CSMD1: variants seen among roughly 807,000 people sequenced by gnomAD.
The protein encoded by CSMD1 is CUB and sushi domain-containing protein 1.
Under a neutral mutation model 417.5 loss-of-function variants are expected in CSMD1, and 213 were observed. The observed-to-expected ratio is 0.51, with a 90% CI of 0.46 to 0.57. The LOEUF (loss-of-function observed/expected upper bound fraction) is 0.57, where lower values mean the gene tolerates loss of function less well. Ranked by LOEUF, CSMD1 falls within the 20% of genes least tolerant of loss-of-function variation. The probability of loss-of-function intolerance (pLI) is 0.00; values close to 1 mark genes in which losing one functional copy is unlikely to be tolerated. For synonymous variants in CSMD1, 2,862 were observed against 1,736.8 expected (o/e 1.65, Z -16.11); for missense variants, 6,923 against 4,529.7 (o/e 1.53, Z -15.17).
intron 7 of CSMD1, among the ~76,000 whole-genome samples, chr8:3,631,147 C>G (rs1196075170): frequency 6.6e-6 from 1 of 152,198 alleles, no homozygotes; most frequent in Non-Finnish European, 1.5e-5. Context: ...AAATGGCCCT[C>G]CCTGTGCACC....
chr8:3,548,570 T>C (rs1275690562), intron 10 of CSMD1, among the ~76,000 whole-genome samples: 2 of 151,542 alleles, frequency 1.3e-5, no homozygotes, highest in Non-Finnish European at 2.9e-5. Flanking sequence ...CCTGAGTTAC[T>C]TCACTTAGAA....
intron 2 of CSMD1, among the ~76,000 whole-genome samples, chr8:4,504,041 C>G (rs911188517): frequency 6.6e-6 from 1 of 151,306 alleles, no homozygotes; most frequent in African/African-American, 2.4e-5. Context: ...ATGTTCATTG[C>G]TGTGTAATTC....
chr8:3,592,128 A>G (rs1421419607), intron 8 of CSMD1, among the ~76,000 whole-genome samples: 1 of 152,168 alleles, frequency 6.6e-6, no homozygotes, highest in African/African-American at 2.4e-5. Context: ...AGATGGATAG[A>G]TAGATGAATG....
At chr8:4,232,698 TA>T (rs1226850276) in intron 3 of CSMD1, among the ~76,000 whole-genome samples, 2 of 152,192 alleles carry the variant, frequency 1.3e-5, no homozygotes, top group Non-Finnish European at 2.9e-5. Flanking sequence ...AGACATTTTA[TA>T]AAAGTGTCAT....
intron 68 of CSMD1, among the ~76,000 whole-genome samples, chr8:2,947,988 T>C (rs1267861508): frequency 1.3e-5 from 2 of 151,820 alleles, no homozygotes; most frequent in East Asian, 1.9e-4. Flanking sequence ...AGCACTTTGA[T>C]AAAAGTCTTA....
At chr8:3,932,547 A>T (rs1810223348) in intron 5 of CSMD1, among the ~76,000 whole-genome samples, 1 of 150,686 alleles carries the variant, frequency 6.6e-6, no homozygotes, top group African/African-American at 2.4e-5. Context: ...CCCCACAATT[A>T]AAGTTCAATG....
intron 3 of CSMD1, among the ~76,000 whole-genome samples, chr8:4,409,991 T>G (rs981163645): frequency 2.0e-5 from 3 of 152,082 alleles, no homozygotes; most frequent in Non-Finnish European, 4.4e-5. Context: ...TTTTTGTATT[T>G]TTAGTAGAGA....
chr8:4,189,930 T>G (rs1798915378), intron 3 of CSMD1, among the ~76,000 whole-genome samples: 1 of 152,016 alleles, frequency 6.6e-6, no homozygotes, highest in Non-Finnish European at 1.5e-5. Context: ...CATATTTTTT[T>G]TTTCTAAAAA....
chr8:3,140,339 C>G (rs902211058), intron 41 of CSMD1, among the ~76,000 whole-genome samples: 8 of 124,800 alleles, frequency 6.4e-5, no homozygotes, highest in Admixed American at 6.3e-4. Context: ...CTCTCTCTCT[C>G]TCTCTCTCTG....
chr8:3,043,953 A>G (rs572198300), intron 50 of CSMD1, among the ~76,000 whole-genome samples: 1 of 152,258 alleles, frequency 6.6e-6, no homozygotes, highest in African/African-American at 2.4e-5. Context: ...GTCTCCACAT[A>G]TTGGAAAGAG....
chr8:3,161,368 G>A (rs1006412985), intron 38 of CSMD1, among the ~76,000 whole-genome samples: 3 of 152,112 alleles, frequency 2.0e-5, no homozygotes, highest in African/African-American at 4.8e-5. Context: ...TGTAATCCCA[G>A]CACTTTGGGA....
At chr8:3,738,874 A>G (rs896405532) in intron 6 of CSMD1, among the ~76,000 whole-genome samples, 1 of 152,226 alleles carries the variant, frequency 6.6e-6, no homozygotes, top group East Asian at 1.9e-4. Flanking sequence ...TAGGGCATTC[A>G]TATTTCATTC....
At chr8:3,854,656 T>C (rs993589721) in intron 5 of CSMD1, among the ~76,000 whole-genome samples, 3 of 150,460 alleles carry the variant, frequency 2.0e-5, no homozygotes, top group South Asian at 2.1e-4. Flanking sequence ...ATCTGGACAA[T>C]GTGGAAGAGA....
At chr8:3,153,374 T>C (rs545433377) in intron 39 of CSMD1, among the ~76,000 whole-genome samples, 1 of 152,332 alleles carries the variant, frequency 6.6e-6, no homozygotes, top group Non-Finnish European at 1.5e-5. Flanking sequence ...GTAACCATTC[T>C]TTTGTTCCTT....
chr8:4,242,526 T>A (rs945921220), intron 3 of CSMD1, among the ~76,000 whole-genome samples: 1 of 152,240 alleles, frequency 6.6e-6, no homozygotes, highest in African/African-American at 2.4e-5. Context: ...CTTAAAAATG[T>A]TCTTAACTAG....
intron 2 of CSMD1, among the ~76,000 whole-genome samples, chr8:4,566,329 G>A (rs1339315255): frequency 1.3e-5 from 2 of 152,132 alleles, no homozygotes; most frequent in Non-Finnish European, 2.9e-5. Context: ...ATTATTAAAT[G>A]TATGACAAGA....
At chr8:3,999,218 T>A (rs1815466214) in intron 4 of CSMD1, among the ~76,000 whole-genome samples, 1 of 152,048 alleles carries the variant, frequency 6.6e-6, no homozygotes, top group Non-Finnish European at 1.5e-5. Context: ...TAACAGTCAT[T>A]AATTCTGATA....
intron 10 of CSMD1, among the ~76,000 whole-genome samples, chr8:3,565,681 T>G (rs915776264): frequency 6.6e-6 from 1 of 152,186 alleles, no homozygotes; most frequent in Non-Finnish European, 1.5e-5. Context: ...GATAAACATA[T>G]CAGGATTTTC....
intron 20 of CSMD1, among the ~76,000 whole-genome samples, chr8:3,361,086 T>C (rs1563310376): frequency 6.6e-6 from 1 of 152,208 alleles, no homozygotes; most frequent in Non-Finnish European, 1.5e-5. Context: ...AACCTTGAGA[T>C]ATACTTATTA....
Sources: allele counts gnomAD v4.1 joint callset (sites outside exome capture counted in the v4.1 genomes callset), GRCh38; gene constraint gnomAD v4.1.1; transcripts MANE v1.5; gene names NCBI Gene and HGNC (gene_info 2026-07-23, HGNC 2026-07-21).